Variants in RPAP1 observed in about 807,000 individuals in gnomAD.
The protein encoded by RPAP1 is RNA polymerase II-associated protein 1.
A neutral mutation model predicts 142.4 loss-of-function variants in RPAP1; 109 were observed. The ratio of observed to expected loss-of-function variants is 0.77; its 90% CI spans 0.66 to 0.90. The LOEUF (loss-of-function observed/expected upper bound fraction) is 0.90. Among genes scored for constraint, RPAP1 ranks in the 40% least tolerant of loss-of-function variants. The pLI, the probability that RPAP1 is intolerant of heterozygous loss-of-function variation, is 0.00. For missense variants in RPAP1, 1,546 were observed against 1,751.7 expected, an observed-to-expected ratio of 0.88 and a Z score of 2.10; for synonymous variants, 704 against 738.9, an observed-to-expected ratio of 0.95 and a Z score of 0.77.
chr15:41,523,241 A>G lies in RPAP1; in HGVS notation c.2546+4T>C. On this transcript the variant is annotated splice_donor_region_variant and intron_variant, in intron 18 of 24. Coordinates refer to ENST00000304330, the MANE Select transcript of RPAP1 (RefSeq NM_015540.4). ...TTCCCCCAGCTACCAAACACAGTAC[A>G]TACCTAAGGGAATCCCACAGGCTGC... 1 of 1,573,572 alleles carries G rather than the reference A, an allele frequency of 6.4e-7. No homozygotes were observed. Among genetic ancestry groups the G allele is most frequent in the South Asian group, 1.2e-5 (1 of 86,798 alleles).
chr15:41,537,755 C>T (rs1047868321), intron 1 of RPAP1, among the ~76,000 whole-genome samples: 3 of 151,814 alleles, frequency 2.0e-5, no homozygotes, highest in South Asian at 2.1e-4. Flanking sequence ...TTGTGGTGGG[C>T]GCCTGTAATC....
At position 41,522,834 on chromosome 15, in the gene RPAP1, GA is replaced by G; in HGVS notation, c.2672del (p.Phe891SerfsTer97). 6.3e-7 allele frequency: 1 copy of G among 1,587,152 alleles called. No homozygotes were observed. The highest frequency in any genetic ancestry group is 1.9e-5 in the Admixed American group (1 of 52,806). On this transcript the variant is annotated frameshift_variant, in exon 19 of 25. Transcript: ENST00000304330. LOFTEE classifies it high-confidence loss of function. ...RLSLAGSASPFPFLTALLSLL... is the reference protein window; with the variant it reads ...RLSLAGSASPXPFLTALLSLL... ...GAGAGAGGAGGGCAGTGAGGAATGG[GA>G]AGGGTGAGGCTGAGCCAGCCAGACT... is the stretch of plus-strand genomic sequence containing the variant.
intron 1 of RPAP1, chr15:41,543,815 A>G (rs981822894): frequency 6.6e-6 from 1 of 152,236 alleles, no homozygotes; most frequent in African/African-American, 2.4e-5. Flanking sequence ...CTGTAATCCT[A>G]AAGAGTAATG....
intron 18 of RPAP1, 132 bp downstream of exon 18, chr15:41,523,113 C>T: frequency 1.1e-6 from 1 of 919,658 alleles, no homozygotes. Context: ...CTGCTGCCTG[C>T]TAGGGACTCG....
chr15:41,524,061 C>T (rs117189559), intron 16 of RPAP1, 35 bp downstream of exon 16: 60,850 of 1,597,024 alleles, frequency 0.038, 1,350 homozygotes, highest in South Asian at 0.059. Flanking sequence ...TGGAGGAGCC[C>T]TCCACCTGTC....
chr15:41,521,941 TG>T, intron 20 of RPAP1, 61 bp from the exon 21 acceptor site: 2 of 1,587,804 alleles, frequency 1.3e-6, no homozygotes, highest in South Asian at 2.3e-5. Flanking sequence ...CAGAGAGAAG[TG>T]AGGAAGAGGA....
At chr15:41,532,582 G>T (rs1331047490) in intron 6 of RPAP1, among the ~76,000 whole-genome samples, 1 of 152,146 alleles carries the variant, frequency 6.6e-6, no homozygotes, top group African/African-American at 2.4e-5. Context: ...CAGTATCACA[G>T]AGTAGAAGAG....
rs1595484142 is a variant in RPAP1, at chr15:41,527,850, C to T, written c.1428+10G>A. The stretch of plus-strand genomic sequence containing the variant: ...TCCCAGCCCAAGCCCCATTCCTATC[C>T]CTGTGGTACCTCATCTCCAGGAGCC... On this transcript the variant is annotated intron_variant, in intron 11 of 24. Transcript: ENST00000304330. The T allele has an allele frequency of 1.2e-6, 2 of 1,613,968 alleles. No homozygotes were observed. Among genetic ancestry groups the T allele is most frequent in the African/African-American group, 1.3e-5 (1 of 75,028 alleles).
In RPAP1 at chr15:41,527,439, C is replaced by T. The variant is rs758649506; in HGVS notation, c.1595G>A (p.Arg532Gln). 21 of 1,613,974 alleles carry T rather than the reference C, an allele frequency of 1.3e-5. 1 individual carries two copies. The highest frequency in any genetic ancestry group is 8.9e-5 in the East Asian group (4 of 44,896). ...EESRPPPDLA[R>Q]HDVIKGLLAT... is the part of the protein sequence containing the mutation. The stretch of plus-strand genomic sequence containing the variant: ...TCCCTTTACCTTGATGACATCATGT[C>T]GGGCCAGGTCAGGTGGAGGCCGGCT... Residue 532 changes from arginine to glutamine, a missense_variant, in exon 12 of 25, where the codon CGA (arginine) becomes CAA (glutamine). Around this residue, in one of 3 missense-constraint regions of RPAP1, gnomAD observed 1,333 missense variants for 1,486.6 expected, o/e 0.90. Transcript: ENST00000304330.
rs1488697310 is a variant in RPAP1 at position 41,520,503 on chromosome 15, A to G, written c.3683T>C (p.Phe1228Ser). Reference sequence around the variant, plus strand: ...CAGGGGCAGGAGGACCAGGGCCCCAAAGAGGTGGTCCCCAAAAGAGACAGC... The same window carrying G: ...CAGGGGCAGGAGGACCAGGGCCCCAGAGAGGTGGTCCCCAAAAGAGACAGC... The part of the protein sequence containing the change: ...FEAVSFGDHL[F>S]GALVLLPLQR... Residue 1228 changes from phenylalanine to serine, a missense_variant, in exon 22 of 25, where the codon TTT becomes TCT. Phe to Ser is a radical substitution (Grantham distance 155). Around this residue, in one of 3 missense-constraint regions of RPAP1, gnomAD observed 210 missense variants for 248.0 expected, o/e 0.85. Transcript: ENST00000304330. The G allele has an allele frequency of 6.2e-7, 1 of 1,614,014 alleles. No homozygotes were observed. Among genetic ancestry groups the G allele is most frequent in the East Asian group, 2.2e-5 (1 of 44,890 alleles).
In RPAP1 at chr15:41,527,997, C is replaced by A. The variant is rs1449991246; in HGVS notation, c.1291G>T (p.Ala431Ser). ...AQAGEFGDRL[A>S]GSVLSLLLDA... ...AAAAGGAGGCTTAAGACACTGCCTG[C>A]TAGCCGGTCCCCAAACTCACCAGCC... Residue 431 changes from alanine (A) to serine (S), a missense_variant, in exon 11 of 25, where the codon GCA (alanine) becomes TCA (serine). Ala to Ser is a moderately conservative substitution (Grantham distance 99, BLOSUM62 1). Transcript: ENST00000304330. 4.3e-6 allele frequency: 7 copies of A among 1,613,876 alleles called. No homozygotes were observed. The highest frequency in any genetic ancestry group is 5.9e-6 in the Non-Finnish European group (7 of 1,179,972).
At chr15:41,528,487 T>C (rs575978823) in intron 9 of RPAP1, 151 bp from the exon 10 acceptor site, 19 of 628,258 alleles carry the variant, frequency 3.0e-5, no homozygotes, top group African/African-American at 2.7e-4. Flanking sequence ...AAGACTTGCA[T>C]ACAAGTAACC....
chr15:41,519,044 AG>A (rs1456214956), intron 22 of RPAP1, among the ~76,000 whole-genome samples: 2 of 151,782 alleles, frequency 1.3e-5, no homozygotes, highest in African/African-American at 4.8e-5. Flanking sequence ...GCAAATCACC[AG>A]GTCTGGCTAA....
At chr15:41,534,648 A>G in intron 6 of RPAP1, 66 bp downstream of exon 6, 1 of 1,162,858 alleles carries the variant, frequency 8.6e-7, no homozygotes, top group Non-Finnish European at 1.3e-6. Flanking sequence ...ACTCACAGTA[A>G]GCCTAGCTCA....
At chr15:41,521,951 G>T in intron 20 of RPAP1, 71 bp from the exon 21 acceptor site, 2 of 1,579,508 alleles carry the variant, frequency 1.3e-6, no homozygotes, top group Non-Finnish European at 1.7e-6. Flanking sequence ...TGAGGAAGAG[G>T]ATAAAAGTGA....
chr15:41,542,919 T>A (rs2051983845), intron 1 of RPAP1, among the ~76,000 whole-genome samples: 1 of 152,088 alleles, frequency 6.6e-6, no homozygotes, highest in Non-Finnish European at 1.5e-5. Flanking sequence ...CCAAAGGCCC[T>A]AAGGAAGGCT....
intron 3 of RPAP1, 71 bp from the exon 4 acceptor site, chr15:41,536,289 G>T (rs2051906326): frequency 2.7e-6 from 4 of 1,465,948 alleles, no homozygotes; most frequent in Non-Finnish European, 2.9e-6. Context: ...GATCCTATTA[G>T]CCCAGTTCTG....
intron 10 of RPAP1, 75 bp from the exon 11 acceptor site, chr15:41,528,102 C>A: frequency 6.4e-7 from 1 of 1,561,472 alleles, no homozygotes; most frequent in South Asian, 1.2e-5. Flanking sequence ...CTTCGTTTGC[C>A]CCCCTATGAT....
At chr15:41,536,338 C>T (rs2140786212) in intron 3 of RPAP1, 120 bp from the exon 4 acceptor site, 2 of 1,310,932 alleles carry the variant, frequency 1.5e-6, no homozygotes. Flanking sequence ...ACGGACCCTC[C>T]TCCCTTCAGG....
Sources: allele counts gnomAD v4.1 joint callset (sites outside exome capture counted in the v4.1 genomes callset), GRCh38; gene constraint gnomAD v4.1.1; regional missense constraint gnomAD v4.1.1; transcripts MANE v1.5; gene names NCBI Gene and HGNC (gene_info 2026-07-23, HGNC 2026-07-21).